NDUFS4: variants seen among roughly 807,000 people sequenced by gnomAD.
NDUFS4 encodes NADH:ubiquinone oxidoreductase subunit S4.
In NDUFS4, 28 loss-of-function variants were observed where a neutral mutation model predicts 24.3. The ratio of observed to expected loss-of-function variants is 1.15; its 90% confidence interval spans 0.85 to 1.58. The LOEUF is 1.58. Ranked by LOEUF, NDUFS4 falls within the 40% of genes most tolerant of loss-of-function variation. The pLI is 0.00. For synonymous variants in NDUFS4, 93 were observed against 69.7 expected (o/e 1.34, Z -1.67); for missense variants, 223 against 207.9 (o/e 1.07, Z -0.45).
intron 2 of NDUFS4, among the ~76,000 whole-genome samples, chr5:53,620,125 A>G (rs1217594035): frequency 7.0e-6 from 1 of 142,616 alleles, no homozygotes; most frequent in East Asian, 2.0e-4. Context: ...CAAAAAATGT[A>G]AAAAAAAAAA....
chr5:53,682,575 G>T lies in NDUFS4; in HGVS notation c.425-543G>T, dbSNP rs896383820. Among the ~76,000 whole-genome samples the T allele has an allele frequency of 5.3e-5, 8 of 150,274 alleles. No individual in the cohort carries two copies. The Admixed American group carries it at 5.4e-4, about 10-fold the overall frequency. On this transcript the variant is annotated intron_variant, in intron 4 of 4. Transcript: ENST00000296684. ...AATCAATTTTTGAGTTTAATCAGTA[G>T]CCTGTCCAAGTCCAGGGGATTGAAC...
chr5:53,618,652 ATTC>A (rs1435112837), intron 2 of NDUFS4, among the ~76,000 whole-genome samples: 1 of 152,184 alleles, frequency 6.6e-6, no homozygotes, highest in African/African-American at 2.4e-5. Flanking sequence ...CAACTATGTA[ATTC>A]TTTAATTGGT....
At chr5:53,681,326 C>T (rs187890756) in intron 4 of NDUFS4, among the ~76,000 whole-genome samples, 190 of 152,226 alleles carry the variant, frequency 1.2e-3, no homozygotes, top group African/African-American at 4.1e-3. Flanking sequence ...AATAATATTA[C>T]TTCATATAAA....
At chr5:53,621,592 T>C (rs1272888202) in intron 2 of NDUFS4, among the ~76,000 whole-genome samples, 1 of 151,642 alleles carries the variant, frequency 6.6e-6, no homozygotes, top group Non-Finnish European at 1.5e-5. Context: ...ATATGTAACA[T>C]AAGAACCTTA....
intron 1 of NDUFS4, among the ~76,000 whole-genome samples, chr5:53,591,461 T>TTGG (rs1491299426): frequency 1.4e-3 from 116 of 81,194 alleles, no homozygotes; most frequent in African/African-American, 5.4e-3. Flanking sequence ...TTGTTTTTTT[T>TTGG]GGGGGGGGGG....
intron 3 of NDUFS4, among the ~76,000 whole-genome samples, chr5:53,650,253 A>G (rs1176237929): frequency 2.0e-5 from 3 of 152,216 alleles, no homozygotes; most frequent in Non-Finnish European, 2.9e-5. Flanking sequence ...TTTATATAAG[A>G]ATATACATTT....
intron 1 of NDUFS4, among the ~76,000 whole-genome samples, chr5:53,565,819 A>G (rs1561329595): frequency 2.6e-5 from 4 of 152,246 alleles, no homozygotes; most frequent in Admixed American, 2.6e-4. Flanking sequence ...TGTTTGGGAA[A>G]GGGTACCCTT....
intron 1 of NDUFS4, among the ~76,000 whole-genome samples, chr5:53,580,114 A>C (rs1381134092): frequency 1.3e-5 from 2 of 152,190 alleles, no homozygotes; most frequent in Non-Finnish European, 2.9e-5. Flanking sequence ...TAGGAAACTA[A>C]TATACTCTCC....
At chr5:53,570,170 A>C (rs911624991) in intron 1 of NDUFS4, among the ~76,000 whole-genome samples, 1 of 152,170 alleles carries the variant, frequency 6.6e-6, no homozygotes, top group African/African-American at 2.4e-5. Flanking sequence ...CATTACCCCA[A>C]GACTCCCTCA....
intron 2 of NDUFS4, among the ~76,000 whole-genome samples, chr5:53,607,581 A>G (rs538718127): frequency 4.6e-5 from 7 of 152,358 alleles, no homozygotes; most frequent in South Asian, 2.1e-4. Flanking sequence ...TGGAATATCT[A>G]TATACCTCTA....
At chr5:53,680,072 T>C (rs1740609185) in intron 4 of NDUFS4, among the ~76,000 whole-genome samples, 1 of 152,192 alleles carries the variant, frequency 6.6e-6, no homozygotes, top group Admixed American at 6.5e-5. Context: ...AATGCAGTTT[T>C]ATTAATAAAG....
At chr5:53,583,105 C>T (rs1025913272) in intron 1 of NDUFS4, among the ~76,000 whole-genome samples, 2 of 152,062 alleles carry the variant, frequency 1.3e-5, no homozygotes, top group African/African-American at 4.8e-5. Context: ...TCTCGATTTC[C>T]TGACCTCATG....
intron 1 of NDUFS4, among the ~76,000 whole-genome samples, chr5:53,594,870 GTT>G (rs1198156546): frequency 1.6e-5 from 2 of 122,672 alleles, no homozygotes; most frequent in African/African-American, 3.4e-5. Context: ...GTATGTCTGT[GTT>G]TGTGTGTGTG....
chr5:53,586,136 C>T (rs1177149813), intron 1 of NDUFS4, among the ~76,000 whole-genome samples: 1 of 151,954 alleles, frequency 6.6e-6, no homozygotes, highest in African/African-American at 2.4e-5. Context: ...CCAGACCAGC[C>T]TGACTAACAC....
chr5:53,677,751 G>A (rs535595375), intron 4 of NDUFS4, among the ~76,000 whole-genome samples: 22 of 152,248 alleles, frequency 1.4e-4, no homozygotes, highest in African/African-American at 5.3e-4. Flanking sequence ...CTGATCCCAT[G>A]CTTCAGTTGG....
chr5:53,642,674 A>G (rs1484548567), intron 2 of NDUFS4, among the ~76,000 whole-genome samples: 1 of 152,172 alleles, frequency 6.6e-6, no homozygotes. Context: ...ATACAGTTTT[A>G]ATATGGAAAA....
intron 1 of NDUFS4, among the ~76,000 whole-genome samples, chr5:53,592,194 C>T (rs920823558): frequency 2.0e-5 from 3 of 152,050 alleles, no homozygotes; most frequent in Non-Finnish European, 4.4e-5. Context: ...TCAAGTGATC[C>T]GCCCGCCTCG....
intron 2 of NDUFS4, among the ~76,000 whole-genome samples, chr5:53,605,161 C>T (rs1444108330): frequency 6.6e-6 from 1 of 152,124 alleles, no homozygotes; most frequent in African/African-American, 2.4e-5. Flanking sequence ...GTGGAGGTTG[C>T]AGGGAGCCGA....
At chr5:53,638,707 T>TA (rs535682980) in intron 2 of NDUFS4, among the ~76,000 whole-genome samples, 11 of 151,586 alleles carry the variant, frequency 7.3e-5, no homozygotes, top group East Asian at 5.8e-4. Context: ...AAATAAAAGT[T>TA]AAAAAAAAAT....
Sources: gnomAD v4.1 joint callset for allele counts (sites outside exome capture counted in the v4.1 genomes callset) on GRCh38, gnomAD v4.1.1 for gene constraint, MANE v1.5 for transcripts, NCBI Gene and HGNC (gene_info 2026-07-23, HGNC 2026-07-21) for gene names.